Variants in EPAS1 observed in about 807,000 individuals in gnomAD.
The protein encoded by EPAS1 is endothelial PAS domain-containing protein 1.
EPAS1 carries 23 observed loss-of-function variants against 87.9 expected under a neutral mutation model. The ratio of observed to expected loss-of-function variants is 0.26; its 90% CI spans 0.19 to 0.37. EPAS1 has a LOEUF of 0.37. EPAS1 is among the 10% of genes least tolerant of loss of function. The probability of loss-of-function intolerance (pLI) is 1.00; values close to 1 mark genes in which losing one functional copy is unlikely to be tolerated. For synonymous variants in EPAS1, 508 were observed against 444.3 expected (o/e 1.14, Z -1.80); for missense variants, 1,138 against 1,120.7 (o/e 1.02, Z -0.22).
intron 1 of EPAS1, among the ~76,000 whole-genome samples, chr2:46,303,707 G>T (rs908870072): frequency 4.6e-5 from 7 of 152,198 alleles, no homozygotes; most frequent in South Asian, 2.1e-4. Flanking sequence ...TCTAAAGGAA[G>T]TCTGTTCAGC....
intron 1 of EPAS1, among the ~76,000 whole-genome samples, chr2:46,328,000 G>T (rs1159154098): frequency 6.6e-6 from 1 of 152,218 alleles, no homozygotes; most frequent in Non-Finnish European, 1.5e-5. Flanking sequence ...TCCCTCCCCA[G>T]AATTGTCTGA....
At chr2:46,353,614 C>T (rs1684213554) in intron 2 of EPAS1, among the ~76,000 whole-genome samples, 1 of 152,222 alleles carries the variant, frequency 6.6e-6, no homozygotes, top group Admixed American at 6.5e-5. Context: ...CCCCTAAAGC[C>T]CCTGTTCAAA....
chr2:46,372,274 G>T (rs943642397), intron 7 of EPAS1, among the ~76,000 whole-genome samples: 1 of 152,196 alleles, frequency 6.6e-6, no homozygotes, highest in African/African-American at 2.4e-5. Flanking sequence ...ATTAATGACA[G>T]TTATGACACG....
intron 1 of EPAS1, among the ~76,000 whole-genome samples, chr2:46,340,106 G>T (rs1256525408): frequency 2.0e-5 from 3 of 152,138 alleles, no homozygotes; most frequent in African/African-American, 7.2e-5. Context: ...TTTCCCAGCT[G>T]GGCTGGGGAG....
In EPAS1 at chr2:46,371,971, AG is replaced by A. The variant is rs1684635735; in HGVS notation, c.886+2039del. 2.0e-5 allele frequency among the ~76,000 whole-genome samples: 3 copies of A among 152,236 alleles called. No individual in the cohort carries two copies. The South Asian group carries it at 6.2e-4, about 31-fold the overall frequency. The stretch of plus-strand genomic sequence containing the variant: ...AATTGTGACTTCTGACTAGGCATAT[AG>A]AAAGGATTTTCCCTCTTGTTCTTCT... On this transcript the variant is annotated intron_variant, in intron 7 of 15. Transcript: ENST00000263734. This position sits in a 1 kb window ranked among gnomAD's most constrained non-coding sequence, Gnocchi z 4.3.
intron 1 of EPAS1, among the ~76,000 whole-genome samples, chr2:46,308,573 A>T (rs1006688617): frequency 6.6e-6 from 1 of 151,300 alleles, no homozygotes; most frequent in Non-Finnish European, 1.5e-5. Context: ...TGCTTTCTTT[A>T]TTCATGTAGA....
chr2:46,321,010 A>G (rs1314354440), intron 1 of EPAS1, among the ~76,000 whole-genome samples: 1 of 151,940 alleles, frequency 6.6e-6, no homozygotes, highest in Non-Finnish European at 1.5e-5. Flanking sequence ...TCAAATGGAA[A>G]CTCTGTACTC....
In EPAS1 at chr2:46,381,978, G is replaced by C. The variant is rs773396800; in HGVS notation, c.2176G>C (p.Asp726His). Reference sequence around the variant, plus strand: ...CATCTGCCCTTCTTACTCCCAGGGGGACCCACCTGGTGGCAGCACCTCACA... The same window carrying C: ...CATCTGCCCTTCTTACTCCCAGGGGCACCCACCTGGTGGCAGCACCTCACA... ...EQAFQDLSGG[D>H]PPGGSTSHLM... Residue 726 changes from aspartate (D) to histidine (H), a missense_variant, in exon 14 of 16, where the codon GAC becomes CAC. Coordinates refer to ENST00000263734, the MANE Select transcript of EPAS1 (RefSeq NM_001430.5). 3.3e-5 allele frequency: 53 copies of C among 1,613,892 alleles called. No individual in the cohort carries two copies. The highest frequency in any genetic ancestry group is 4.1e-5 in the Non-Finnish European group (48 of 1,179,982).
Position 46,347,885 on chromosome 2 carries a change from G to A in EPAS1, c.217+822G>A, listed in dbSNP as rs929964748. 6.6e-6 allele frequency among the ~76,000 whole-genome samples: 1 copy of A among 152,216 alleles called. No homozygotes were observed. The highest frequency in any genetic ancestry group is 2.1e-4 in the South Asian group (1 of 4,830). Reference sequence around the variant, plus strand: ...GTTCTGTAAGGACGCTGGGCAACGAGTTGTGCTCCTCCCCACCTGGTCTGG... The same window carrying A: ...GTTCTGTAAGGACGCTGGGCAACGAATTGTGCTCCTCCCCACCTGGTCTGG... On this transcript the variant is annotated intron_variant, in intron 2 of 15. Transcript: ENST00000263734. The surrounding 1 kb of genome is among the most constrained non-coding windows in gnomAD (Gnocchi z 4.2).
At chr2:46,331,527 G>C (rs11902435) in intron 1 of EPAS1, among the ~76,000 whole-genome samples, 6,450 of 152,238 alleles carry the variant, frequency 0.042, 460 homozygotes, top group African/African-American at 0.15. Flanking sequence ...GTGGCATAGA[G>C]TTGTGGGGTT....
chr2:46,348,667 G>A (rs1403629699), intron 2 of EPAS1, among the ~76,000 whole-genome samples: 1 of 152,198 alleles, frequency 6.6e-6, no homozygotes, highest in East Asian at 1.9e-4. Flanking sequence ...AGCCCCAGAA[G>A]GGGTAATACA....
intron 1 of EPAS1, among the ~76,000 whole-genome samples, chr2:46,313,167 G>C (rs1172601487): frequency 6.6e-6 from 1 of 152,170 alleles, no homozygotes; most frequent in Non-Finnish European, 1.5e-5. Flanking sequence ...AAAAGGCTTT[G>C]AGTGCAAACG....
chr2:46,297,834 G>C lies in EPAS1; in HGVS notation c.-78G>C. 6.4e-7 allele frequency: 1 copy of C among 1,565,566 alleles called. No individual in the cohort carries two copies. The highest frequency in any genetic ancestry group is 8.7e-7 in the Non-Finnish European group (1 of 1,155,000). On this transcript the variant is annotated 5_prime_UTR_variant, in exon 1 of 16. Coordinates refer to ENST00000263734, the MANE Select transcript of EPAS1 (RefSeq NM_001430.5). ...ACCACCCGCCCGGGCCGCGGGGAGCGGACGAGGGCCACAGCCCCCCACCCG... is the reference window on the plus strand; with the variant it reads ...ACCACCCGCCCGGGCCGCGGGGAGCCGACGAGGGCCACAGCCCCCCACCCG...
chr2:46,301,661 C>T (rs1683002658), intron 1 of EPAS1, among the ~76,000 whole-genome samples: 1 of 151,336 alleles, frequency 6.6e-6, no homozygotes. Context: ...AGGAGAGTAC[C>T]CCAGCCCTGA....
chr2:46,363,444 G>C (rs896721461), intron 6 of EPAS1, among the ~76,000 whole-genome samples: 1 of 152,194 alleles, frequency 6.6e-6, no homozygotes, highest in African/African-American at 2.4e-5. Context: ...CCTTGTTACA[G>C]TGAGAAGAAA....
At chr2:46,342,596 C>T (rs191000160) in intron 1 of EPAS1, among the ~76,000 whole-genome samples, 31 of 152,288 alleles carry the variant, frequency 2.0e-4, no homozygotes, top group Non-Finnish European at 2.8e-4. Flanking sequence ...AATTAGGCAG[C>T]CAACCCCTCT....
chr2:46,314,760 C>T (rs1345780632), intron 1 of EPAS1, among the ~76,000 whole-genome samples: 1 of 152,216 alleles, frequency 6.6e-6, no homozygotes, highest in Non-Finnish European at 1.5e-5. Context: ...ACTCCCCATT[C>T]TCCAAGAGGA....
At chr2:46,305,697 C>T (rs995327708) in intron 1 of EPAS1, among the ~76,000 whole-genome samples, 1 of 121,514 alleles carries the variant, frequency 8.2e-6, no homozygotes, top group Non-Finnish European at 1.7e-5. Context: ...CTCATACACC[C>T]CTAGTGACTT....
Position 46,371,794 on chromosome 2 carries a change from A to T in EPAS1, c.886+1861A>T, listed in dbSNP as rs72887427. Among the ~76,000 whole-genome samples the T allele has an allele frequency of 0.016, 2,445 of 152,316 alleles. 78 individuals carry two copies. The highest frequency in any genetic ancestry group is 0.055 in the African/African-American group (2,298 of 41,552). ...CTGGACCTTCCTGACTTTAGATGTAAAACTGGGGAAAAGTCTAGCCTTCCT... is the reference window on the plus strand; with the variant it reads ...CTGGACCTTCCTGACTTTAGATGTATAACTGGGGAAAAGTCTAGCCTTCCT... On this transcript the variant is annotated intron_variant, in intron 7 of 15. Transcript: ENST00000263734. The surrounding 1 kb of genome is among the most constrained non-coding windows in gnomAD (Gnocchi z 4.3).
Sources: gnomAD v4.1 joint callset for allele counts (sites outside exome capture counted in the v4.1 genomes callset) on GRCh38, gnomAD v4.1.1 for gene constraint, Gnocchi (gnomAD v3.1) non-coding constraint, MANE v1.5 for transcripts, NCBI Gene and HGNC (gene_info 2026-07-23, HGNC 2026-07-21) for gene names.